EBF1: variants seen among roughly 807,000 people sequenced by gnomAD.
EBF1 encodes transcription factor COE1.
A neutral mutation model predicts 68.4 loss-of-function variants in EBF1; 10 were observed. That is an observed-to-expected ratio of 0.15 (90% CI 0.09 to 0.25). The LOEUF (loss-of-function observed/expected upper bound fraction) is 0.25. Among genes scored for constraint, EBF1 ranks in the 10% least tolerant of loss-of-function variants. The pLI, the probability that EBF1 is intolerant of heterozygous loss-of-function variation, is 1.00. For synonymous variants in EBF1, 298 were observed against 299.8 expected, an observed-to-expected ratio of 0.99 and a Z score of 0.06; for missense variants, 509 against 794.4, an observed-to-expected ratio of 0.64 and a Z score of 4.32.
chr5:158,829,243 C>T (rs1470196071), intron 7 of EBF1, among the ~76,000 whole-genome samples: 1 of 152,110 alleles, frequency 6.6e-6, no homozygotes, highest in African/African-American at 2.4e-5. Context: ...GTGGTGTGAT[C>T]TCAGCTTACT....
intron 10 of EBF1, among the ~76,000 whole-genome samples, chr5:158,733,030 T>C (rs1764434139): frequency 6.6e-6 from 1 of 152,216 alleles, no homozygotes; most frequent in African/African-American, 2.4e-5. Context: ...TTCTAAACCC[T>C]TGAGAAGAAT....
intron 11 of EBF1, among the ~76,000 whole-genome samples, chr5:158,720,813 T>C (rs1443618119): frequency 1.3e-5 from 2 of 152,170 alleles, no homozygotes; most frequent in African/African-American, 2.4e-5. Context: ...AAATGAGGTA[T>C]AGGTAGCAAG....
intron 6 of EBF1, among the ~76,000 whole-genome samples, chr5:158,942,442 A>G (rs1813626091): frequency 6.6e-6 from 1 of 152,226 alleles, no homozygotes; most frequent in African/African-American, 2.4e-5. Flanking sequence ...TAATAATAGT[A>G]GCTGGAACCC....
rs547145187 is a variant in EBF1, at chr5:158,806,089, AT to A, written c.779-9615del. Among the ~76,000 whole-genome samples the A allele has an allele frequency of 1.7e-3, 253 of 152,174 alleles. 2 individuals are homozygous for A. Among genetic ancestry groups the A allele is most frequent in the Non-Finnish European group, 1.8e-3 (120 of 67,980 alleles). ...ATCCCTAGAAGCAGTGAAGTCATTTATTGATCAACTGGAAAAGTTGGCTTAT... is the reference window on the plus strand; with the variant it reads ...ATCCCTAGAAGCAGTGAAGTCATTTATGATCAACTGGAAAAGTTGGCTTAT... On this transcript the variant is annotated intron_variant, in intron 8 of 15. Coordinates refer to ENST00000313708, the MANE Select transcript of EBF1 (RefSeq NM_024007.5).
rs762458106 is a variant in EBF1, at chr5:158,708,020, G to A, written c.1703C>T (p.Pro568Leu). The change falls in exon 15 of 16, where the codon CCA (proline) becomes CTA (leucine). Residue 568 changes from proline (P) to leucine (L), a missense_variant. By Grantham distance (98) the Pro-to-Leu change is moderately conservative. Coordinates refer to ENST00000313708, the MANE Select transcript of EBF1 (RefSeq NM_024007.5). ...GTTGGTGCTGGTGCAGGTGGGAGGT[G>A]GGGAGGTCTGGGGTCTGACGACTGG... ...FAPVVRPQTSPPPTCTSTNGN... is the reference protein window; with the variant it reads ...FAPVVRPQTSLPPTCTSTNGN... 13 of 1,551,080 alleles carry A rather than the reference G, an allele frequency of 8.4e-6. No homozygotes were observed. The South Asian group carries it at 1.3e-4, about 16-fold the overall frequency.
At chr5:158,783,104 C>A (rs1298578137) in intron 9 of EBF1, among the ~76,000 whole-genome samples, 5 of 152,020 alleles carry the variant, frequency 3.3e-5, no homozygotes, top group Non-Finnish European at 5.9e-5. Flanking sequence ...GTGTTTATTT[C>A]TGGACTGATA....
chr5:158,938,620 C>T (rs1812584377), intron 6 of EBF1, among the ~76,000 whole-genome samples: 1 of 152,224 alleles, frequency 6.6e-6, no homozygotes, highest in African/African-American at 2.4e-5. Context: ...GGGCTCTCTT[C>T]CCAGTCTGCA....
intron 4 of EBF1, among the ~76,000 whole-genome samples, chr5:159,087,003 A>T (rs547383404): frequency 7.9e-5 from 12 of 152,130 alleles, no homozygotes; most frequent in South Asian, 4.1e-4. Context: ...AAAACATTTT[A>T]AAAAACACAG....
At chr5:158,912,338 C>A (rs1329985367) in intron 6 of EBF1, among the ~76,000 whole-genome samples, 2 of 152,186 alleles carry the variant, frequency 1.3e-5, no homozygotes, top group Non-Finnish European at 2.9e-5. Flanking sequence ...CAGAGCTTTG[C>A]CCAATTTAAA....
chr5:158,969,974 T>C (rs902154186), intron 6 of EBF1, among the ~76,000 whole-genome samples: 1 of 144,380 alleles, frequency 6.9e-6, no homozygotes, highest in Non-Finnish European at 1.5e-5. Context: ...ACAATGAAAA[T>C]TGGAAACACA....
chr5:158,865,616 A>G (rs1795738200), intron 6 of EBF1, among the ~76,000 whole-genome samples: 1 of 152,168 alleles, frequency 6.6e-6, no homozygotes, highest in Non-Finnish European at 1.5e-5. Context: ...CAAGTTTAAG[A>G]TATATTTGTT....
At chr5:159,080,570 A>G (rs141445533) in intron 5 of EBF1, among the ~76,000 whole-genome samples, 96 of 152,312 alleles carry the variant, frequency 6.3e-4, no homozygotes, top group Non-Finnish European at 1.1e-3. Flanking sequence ...CCTCATTCAC[A>G]CCAAACAACT....
chr5:159,027,915 T>A (rs777491247), intron 6 of EBF1, among the ~76,000 whole-genome samples: 2 of 152,210 alleles, frequency 1.3e-5, no homozygotes, highest in Non-Finnish European at 2.9e-5. Flanking sequence ...CTCATATGGA[T>A]CTTTCATTTA....
intron 14 of EBF1, 69 bp from the exon 15 acceptor site, chr5:158,708,242 C>A (rs968008157): frequency 4.1e-6 from 6 of 1,468,502 alleles, no homozygotes; most frequent in Non-Finnish European, 5.5e-6. Context: ...AAGCTCAGAT[C>A]CATCCCTCAC....
intron 10 of EBF1, among the ~76,000 whole-genome samples, chr5:158,760,975 T>C (rs982590124): frequency 6.6e-6 from 1 of 152,206 alleles, no homozygotes; most frequent in African/African-American, 2.4e-5. Flanking sequence ...CACAATGCCT[T>C]GTTTAAAGCA....
chr5:158,849,605 C>T (rs1173214980), intron 6 of EBF1, among the ~76,000 whole-genome samples: 1 of 152,228 alleles, frequency 6.6e-6, no homozygotes, highest in African/African-American at 2.4e-5. Flanking sequence ...ACACCACGGA[C>T]TTCTGATAGT....
intron 15 of EBF1, among the ~76,000 whole-genome samples, chr5:158,703,714 C>T (rs1428604669): frequency 6.6e-6 from 1 of 152,106 alleles, no homozygotes; most frequent in Non-Finnish European, 1.5e-5. Flanking sequence ...CTACTGGTCA[C>T]CGCATGTTAT....
At chr5:158,718,252 A>C (rs1761177688) in intron 11 of EBF1, among the ~76,000 whole-genome samples, 1 of 152,174 alleles carries the variant, frequency 6.6e-6, no homozygotes, top group South Asian at 2.1e-4. Flanking sequence ...GTTTGATGAG[A>C]GTCACAAAAG....
rs528788534 is a variant in EBF1 at position 159,028,632 on chromosome 5, G to T, written c.554+44764C>A. Among the ~76,000 whole-genome samples the T allele has an allele frequency of 5.3e-5, 8 of 152,268 alleles. No homozygotes were observed. The East Asian group carries it at 1.5e-3, about 29-fold the overall frequency. Reference sequence around the variant, plus strand: ...AAAACAGAGAGACTTCATCTGTTTTGTTCACAGCTGTATCCCCTGCACCAA... The same window carrying T: ...AAAACAGAGAGACTTCATCTGTTTTTTTCACAGCTGTATCCCCTGCACCAA... On this transcript the variant is annotated intron_variant, in intron 6 of 15. Transcript: ENST00000313708.
Sources: allele counts gnomAD v4.1 joint callset (sites outside exome capture counted in the v4.1 genomes callset), GRCh38; gene constraint gnomAD v4.1.1; transcripts MANE v1.5; gene names NCBI Gene and HGNC (gene_info 2026-07-23, HGNC 2026-07-21).